The following MYH11 variants were observed in gnomAD, a reference collection of about 807,000 sequenced individuals.
MYH11 encodes myosin heavy chain 11.
In MYH11, 80 loss-of-function variants were observed where a neutral mutation model predicts 246.6. The observed-to-expected ratio is 0.32, with a 90% CI of 0.27 to 0.39. MYH11 has a LOEUF of 0.39. Among genes scored for constraint, MYH11 ranks in the 10% least tolerant of loss-of-function variants. The pLI is 1.00. For missense variants in MYH11, 2,158 were observed against 2,546.8 expected (o/e 0.85, Z 3.29); for synonymous variants, 1,071 against 1,015.5 (o/e 1.05, Z -1.04).
chr16:15,780,419 C>T (rs2042321151), intron 6 of MYH11, among the ~76,000 whole-genome samples: 1 of 144,194 alleles, frequency 6.9e-6, no homozygotes. Context: ...AGGTAAAAAT[C>T]TGTTTGTAAT....
In MYH11 at chr16:15,736,530, C is replaced by T. The variant is rs1456073522; in HGVS notation, c.3293+919G>A. On this transcript the variant is annotated intron_variant, in intron 25 of 40. Transcript: ENST00000300036. The stretch of plus-strand genomic sequence containing the variant: ...CTGGCCTCAAGCAATCCCCCCACCT[C>T]GGCTTCCCAAAGTGCTGAGATTACA... Among the ~76,000 whole-genome samples the T allele has an allele frequency of 3.9e-5, 6 of 152,186 alleles. No homozygotes were observed. The East Asian group carries it at 5.8e-4, about 15-fold the overall frequency.
Position 15,732,113 on chromosome 16 carries a change from C to T in MYH11, c.3651+451G>A, listed in dbSNP as rs142223058. On this transcript the variant is annotated intron_variant, in intron 27 of 40. Transcript: ENST00000300036. ...AGTAGCTGGGATTACAGGCATGCAC[C>T]ACCGCGCCCGGCTAATTTTTTGTAT... 8.3e-3 allele frequency among the ~76,000 whole-genome samples: 1,269 copies of T among 152,176 alleles called. 16 individuals are homozygous for T. Among genetic ancestry groups the T allele is most frequent in the African/African-American group, 0.03 (1,234 of 41,516 alleles).
In MYH11 at chr16:15,748,068, A is replaced by G; in HGVS notation, c.2159T>C (p.Val720Ala). The stretch of plus-strand genomic sequence containing the variant: ...TTACCGTTGGCGGAACTCCTGGAAG[A>G]CGATCCGGTTGGGGAAGCCCTGCCG... ...ICRQGFPNRI[V>A]FQEFRQRYEI... The change falls in exon 17 of 41, where the codon GTC becomes GCC. Residue 720 changes from valine (V) to alanine (A), a missense_variant. Coordinates refer to ENST00000300036, the MANE Select transcript of MYH11 (RefSeq NM_002474.3). The G allele has an allele frequency of 6.2e-7, 1 of 1,614,174 alleles. No homozygotes were observed. Among genetic ancestry groups the G allele is most frequent in the South Asian group, 1.1e-5 (1 of 91,084 alleles).
chr16:15,828,278 G>C (rs2043624426), intron 2 of MYH11, among the ~76,000 whole-genome samples: 1 of 152,184 alleles, frequency 6.6e-6, no homozygotes, highest in Non-Finnish European at 1.5e-5. Context: ...CTGGTATGTA[G>C]TAGGTGCTCA....
intron 2 of MYH11, among the ~76,000 whole-genome samples, chr16:15,835,710 T>C (rs939022545): frequency 1.3e-5 from 2 of 152,020 alleles, no homozygotes; most frequent in Non-Finnish European, 2.9e-5. Flanking sequence ...TTAAGTGCTT[T>C]CTATTTAGAG....
intron 28 of MYH11, chr16:15,725,662 G>A (rs888562581): frequency 2.5e-5 from 10 of 399,174 alleles, no homozygotes; most frequent in Non-Finnish European, 4.4e-5. Context: ...GCTCTCAACT[G>A]CATGTGAGAA....
At chr16:15,843,768 G>C (rs896475522) in intron 1 of MYH11, among the ~76,000 whole-genome samples, 9 of 151,984 alleles carry the variant, frequency 5.9e-5, no homozygotes, top group Non-Finnish European at 1.5e-5. Flanking sequence ...ACCAGTAATT[G>C]CTAAAACCAT....
chr16:15,794,567 G>A (rs1437317204), intron 4 of MYH11, among the ~76,000 whole-genome samples: 1 of 152,242 alleles, frequency 6.6e-6, no homozygotes, highest in Non-Finnish European at 1.5e-5. Context: ...TCCAGGAGAT[G>A]GAGATACACA....
intron 25 of MYH11, among the ~76,000 whole-genome samples, chr16:15,735,935 C>T (rs897134905): frequency 6.6e-6 from 1 of 152,232 alleles, no homozygotes; most frequent in South Asian, 2.1e-4. Context: ...TTCTTCTTCC[C>T]TGGCAACTGT....
chr16:15,710,722 G>GTATATATACTCCAAGC (rs2039738803), intron 40 of MYH11, among the ~76,000 whole-genome samples: 1 of 151,990 alleles, frequency 6.6e-6, no homozygotes, highest in East Asian at 1.9e-4. Flanking sequence ...TGCTCTGAAG[G>GTATATATACTCCAAGC]CTGGAGTATA....
At chr16:15,745,297 G>T in intron 19 of MYH11, 60 bp from the exon 20 acceptor site, 2 of 1,225,340 alleles carry the variant, frequency 1.6e-6, no homozygotes, top group Non-Finnish European at 2.4e-6. Flanking sequence ...TGTCAACAGA[G>T]CCCTGCCCTG....
intron 3 of MYH11, among the ~76,000 whole-genome samples, chr16:15,805,278 C>G (rs2042983261): frequency 1.3e-5 from 2 of 152,134 alleles, no homozygotes; most frequent in South Asian, 4.1e-4. Flanking sequence ...GAAAACGGTG[C>G]CTTTCTCTAA....
chr16:15,773,458 G>T (rs2042152610), intron 8 of MYH11, among the ~76,000 whole-genome samples: 1 of 151,820 alleles, frequency 6.6e-6, no homozygotes, highest in African/African-American at 2.4e-5. Context: ...GTAATTTGTT[G>T]TATTTTTAGT....
At chr16:15,828,716 C>T (rs2043639248) in intron 2 of MYH11, among the ~76,000 whole-genome samples, 1 of 150,822 alleles carries the variant, frequency 6.6e-6, no homozygotes, top group Non-Finnish European at 1.5e-5. Context: ...TCACTTGAAC[C>T]CAGGAGGTGG....
chr16:15,846,320 A>C (rs1263489724), intron 1 of MYH11, among the ~76,000 whole-genome samples: 1 of 152,122 alleles, frequency 6.6e-6, no homozygotes, highest in African/African-American at 2.4e-5. Flanking sequence ...AGGACATCTC[A>C]CAACACATCC....
rs772406779 is a variant in MYH11 at position 15,738,596 on chromosome 16, G to A, written c.3090C>T (p.Asn1030=). Residue 1030 remains asparagine, a synonymous_variant, in exon 24 of 41, where the codon AAC becomes AAT. Coordinates refer to ENST00000300036, the MANE Select transcript of MYH11 (RefSeq NM_002474.3). The part of the protein sequence containing the change: ...EKAKNLTKLK[N]KHESMISELE... ...GTTCTGAAATCATAGATTCATGCTT[G>A]TTTTTCAGCTTGGTAAGATTCTTGG... is the stretch of plus-strand genomic sequence containing the variant. The A allele has an allele frequency of 5.6e-6, 9 of 1,613,838 alleles. No individual in the cohort carries two copies. Among genetic ancestry groups the A allele is most frequent in the African/African-American group, 4.0e-5 (3 of 74,930 alleles).
intron 40 of MYH11, among the ~76,000 whole-genome samples, chr16:15,710,232 C>T (rs898349178): frequency 1.3e-5 from 2 of 152,112 alleles, no homozygotes; most frequent in African/African-American, 4.8e-5. Flanking sequence ...GCTAAAGAAT[C>T]ACTGGGCCGG....
At chr16:15,726,745 G>A (rs2040781490) in intron 28 of MYH11, 103 bp downstream of exon 28, 1 of 1,350,828 alleles carries the variant, frequency 7.4e-7, no homozygotes, top group Non-Finnish European at 1.0e-6. Context: ...GAAAGGACTT[G>A]CCTTGCAGCA....
chr16:15,745,662 A>G lies in MYH11; in HGVS notation c.2412-425T>C, dbSNP rs1204697171. Among the ~76,000 whole-genome samples, 6 of 137,306 alleles carry G rather than the reference A, an allele frequency of 4.4e-5. No homozygotes were observed. The Admixed American group carries it at 5.1e-4, about 12-fold the overall frequency. The allele number at this position is 137,306 out of a possible 152,430, so 90.1% of individuals were successfully genotyped here. A position where few individuals can be genotyped will look rare whatever the true frequency, so the allele number is the denominator to read the frequency against. The stretch of plus-strand genomic sequence containing the variant: ...GAGTGCGGTGGCACGATCTCAGCTC[A>G]CTGCAAACTCCACCTCCGGGGTTCA... On this transcript the variant is annotated intron_variant, in intron 19 of 40. Transcript: ENST00000300036.
Sources: gnomAD v4.1 joint callset for allele counts (sites outside exome capture counted in the v4.1 genomes callset) on GRCh38, gnomAD v4.1.1 for gene constraint, MANE v1.5 for transcripts, NCBI Gene and HGNC (gene_info 2026-07-23, HGNC 2026-07-21) for gene names.